Variants in DOCK1 observed in about 807,000 individuals in gnomAD.
The protein encoded by DOCK1 is dedicator of cytokinesis protein 1.
Under a neutral mutation model 262.7 loss-of-function variants are expected in DOCK1, and 138 were observed. That is an observed-to-expected ratio of 0.53 (90% CI 0.46 to 0.61). DOCK1 has a LOEUF of 0.61. DOCK1 is among the 20% of genes least tolerant of loss of function. DOCK1 has a pLI of 0.00. For synonymous variants in DOCK1, 866 were observed against 867.4 expected (o/e 1.00, Z 0.03); for missense variants, 1,908 against 2,370.7 (o/e 0.80, Z 4.05).
chr10:127,395,230 A>G (rs1326844920), intron 38 of DOCK1, among the ~76,000 whole-genome samples: 2 of 152,246 alleles, frequency 1.3e-5, no homozygotes, highest in African/African-American at 4.8e-5. Context: ...ATTTCTCACC[A>G]TTCTGGACCT....
At chr10:127,183,924 G>A (rs2055974332) in intron 27 of DOCK1, among the ~76,000 whole-genome samples, 1 of 152,082 alleles carries the variant, frequency 6.6e-6, no homozygotes, top group African/African-American at 2.4e-5. Context: ...CTCTGTGCAT[G>A]ATAATAAGTA....
chr10:127,214,331 T>A (rs1310472798), intron 27 of DOCK1, among the ~76,000 whole-genome samples: 1 of 152,244 alleles, frequency 6.6e-6, no homozygotes, highest in Non-Finnish European at 1.5e-5. Flanking sequence ...TTGGGATTCA[T>A]TTTCCCTCGC....
intron 1 of DOCK1, among the ~76,000 whole-genome samples, chr10:126,906,269 G>A (rs1356951577): frequency 6.6e-6 from 1 of 152,182 alleles, no homozygotes; most frequent in African/African-American, 2.4e-5. Flanking sequence ...GAGTCGGGTT[G>A]CAAGTTTACA....
chr10:127,424,948 T>C (rs1166625949), intron 46 of DOCK1, among the ~76,000 whole-genome samples: 1 of 152,212 alleles, frequency 6.6e-6, no homozygotes, highest in Non-Finnish European at 1.5e-5. Flanking sequence ...GTGCTATAAA[T>C]GGTAACCAAA....
chr10:127,303,594 C>G (rs1476428034), intron 29 of DOCK1, among the ~76,000 whole-genome samples: 2 of 117,150 alleles, frequency 1.7e-5, no homozygotes, highest in Non-Finnish European at 3.5e-5. Flanking sequence ...TTGGGAGGCC[C>G]ACACCTGTAA....
chr10:127,312,571 A>G (rs1486255204), intron 29 of DOCK1, among the ~76,000 whole-genome samples: 1 of 152,132 alleles, frequency 6.6e-6, no homozygotes, highest in Non-Finnish European at 1.5e-5. Flanking sequence ...CACTGGGCCA[A>G]GGGTCCACTC....
At chr10:127,282,126 G>A (rs1050667136) in intron 29 of DOCK1, among the ~76,000 whole-genome samples, 1 of 152,188 alleles carries the variant, frequency 6.6e-6, no homozygotes, top group Non-Finnish European at 1.5e-5. Context: ...GTTGCGGGTT[G>A]GACAAGCTTG....
chr10:127,359,741 C>T (rs1451162327), intron 32 of DOCK1, among the ~76,000 whole-genome samples: 1 of 152,162 alleles, frequency 6.6e-6, no homozygotes, highest in Non-Finnish European at 1.5e-5. Context: ...GTAATTCAGT[C>T]TAATTATGAG....
chr10:126,910,272 G>A (rs950083637), intron 1 of DOCK1, among the ~76,000 whole-genome samples: 1 of 152,196 alleles, frequency 6.6e-6, no homozygotes, highest in Non-Finnish European at 1.5e-5. Flanking sequence ...GCCATTGTTT[G>A]CCTAGGATAC....
Position 126,949,792 on chromosome 10 carries a change from C to G in DOCK1, c.47-20910C>G, listed in dbSNP as rs981326586. On this transcript the variant is annotated intron_variant, in intron 1 of 51. Coordinates refer to ENST00000623213, the MANE Select transcript of DOCK1 (RefSeq NM_001290223.2). The stretch of plus-strand genomic sequence containing the variant: ...TGATATTGGGTGATATTTCTTGTGA[C>G]TTTTGTTTTGACATGTCTCTGGCTG... Among the ~76,000 whole-genome samples, 107 of 152,042 alleles carry G rather than the reference C, an allele frequency of 7.0e-4. 1 individual carries two copies. Among genetic ancestry groups the G allele is most frequent in the African/African-American group, 2.2e-3 (90 of 41,500 alleles).
chr10:126,935,508 C>T (rs996181283), intron 1 of DOCK1, among the ~76,000 whole-genome samples: 11 of 152,312 alleles, frequency 7.2e-5, no homozygotes, highest in African/African-American at 2.6e-4. Context: ...GCTGCTGGGA[C>T]GTCCAGCCAG....
intron 28 of DOCK1, among the ~76,000 whole-genome samples, chr10:127,251,355 G>A (rs1369259838): frequency 1.3e-5 from 2 of 151,844 alleles, no homozygotes; most frequent in Non-Finnish European, 2.9e-5. Flanking sequence ...ATATGAAAGT[G>A]GCCAAAACAC....
intron 31 of DOCK1, among the ~76,000 whole-genome samples, chr10:127,345,146 G>A (rs1051877692): frequency 6.6e-6 from 1 of 152,156 alleles, no homozygotes; most frequent in Non-Finnish European, 1.5e-5. Context: ...TTCACACGAC[G>A]ACAAAATCAC....
intron 46 of DOCK1, among the ~76,000 whole-genome samples, chr10:127,425,214 A>G (rs1438233307): frequency 2.0e-5 from 3 of 152,192 alleles, no homozygotes; most frequent in Non-Finnish European, 2.9e-5. Context: ...AGGGACAGAA[A>G]GGGAGACTTT....
At chr10:127,394,009 G>A (rs1446330465) in intron 38 of DOCK1, among the ~76,000 whole-genome samples, 1 of 152,040 alleles carries the variant, frequency 6.6e-6, no homozygotes, top group Non-Finnish European at 1.5e-5. Context: ...AAGATGCTCT[G>A]AATTGTCTGT....
chr10:127,289,801 C>G (rs1040756602), intron 29 of DOCK1, among the ~76,000 whole-genome samples: 43 of 151,388 alleles, frequency 2.8e-4, no homozygotes, highest in African/African-American at 9.7e-4. Flanking sequence ...CATTCCCTTT[C>G]TCTTCTTCTT....
At chr10:127,197,198 G>A (rs1352637806) in intron 27 of DOCK1, among the ~76,000 whole-genome samples, 1 of 152,086 alleles carries the variant, frequency 6.6e-6, no homozygotes, top group African/African-American at 2.4e-5. Flanking sequence ...GACATTTAGG[G>A]ACACTCCAGA....
chr10:127,162,154 G>A (rs1286059917), intron 27 of DOCK1, among the ~76,000 whole-genome samples: 1 of 152,176 alleles, frequency 6.6e-6, no homozygotes, highest in Non-Finnish European at 1.5e-5. Flanking sequence ...TGGTAAAGCT[G>A]ATCCCATTAG....
chr10:127,411,029 T>C, intron 43 of DOCK1, 105 bp downstream of exon 43: 1 of 1,105,504 alleles, frequency 9.0e-7, no homozygotes, highest in Non-Finnish European at 1.3e-6. Context: ...CACGGAGCCA[T>C]ATTAAATGTC....
Sources: allele counts gnomAD v4.1 joint callset (sites outside exome capture counted in the v4.1 genomes callset), GRCh38; gene constraint gnomAD v4.1.1; transcripts MANE v1.5; gene names NCBI Gene and HGNC (gene_info 2026-07-23, HGNC 2026-07-21).